The following HIVEP3 variants were observed in gnomAD, a reference collection of about 807,000 sequenced individuals.
HIVEP3 encodes transcription factor HIVEP3.
Under a neutral mutation model 152.8 loss-of-function variants are expected in HIVEP3, and 49 were observed. The observed-to-expected ratio is 0.32, with a 90% CI of 0.26 to 0.41. The LOEUF (loss-of-function observed/expected upper bound fraction) is 0.41, where lower values mean the gene tolerates loss of function less well. Ranked by LOEUF, HIVEP3 falls within the 10% of genes least tolerant of loss-of-function variation. The pLI, the probability that HIVEP3 is intolerant of heterozygous loss-of-function variation, is 1.00. For missense variants in HIVEP3, 2,790 were observed against 3,103.3 expected, an observed-to-expected ratio of 0.90 and a Z score of 2.40; for synonymous variants, 1,269 against 1,289.0, an observed-to-expected ratio of 0.98 and a Z score of 0.33.
chr1:41,695,445 C>T (rs185173467), intron 2 of HIVEP3, among the ~76,000 whole-genome samples: 3 of 152,318 alleles, frequency 2.0e-5, no homozygotes, highest in African/African-American at 4.8e-5. Context: ...GGGGCCAATA[C>T]ATTTACTGGA....
intron 1 of HIVEP3, among the ~76,000 whole-genome samples, chr1:41,896,369 T>C (rs1434026336): frequency 3.3e-5 from 5 of 152,154 alleles, no homozygotes; most frequent in African/African-American, 1.2e-4. Flanking sequence ...GGTCCTTCCT[T>C]AACCACTGTG....
rs1221612649 is a variant in HIVEP3, at chr1:41,888,765, A to G, written c.-801+29648T>C. On this transcript the variant is annotated intron_variant, in intron 1 of 8. Transcript: ENST00000372583. ...GCCCCCCACACCACATACCTCACAC[A>G]TGCGCACCCCCACATACCTCATACA... 2.8e-5 allele frequency among the ~76,000 whole-genome samples: 3 copies of G among 108,564 alleles called. No homozygotes were observed. The East Asian group carries it at 9.3e-4, about 34-fold the overall frequency. 71.2% of individuals were successfully genotyped at this position (108,564 alleles called of 152,430 possible).
rs537447096 is a variant in HIVEP3, at chr1:41,523,058, T to G, written c.5383+1677A>C. Among the ~76,000 whole-genome samples, 19 of 152,380 alleles carry G rather than the reference T, an allele frequency of 1.2e-4. No homozygotes were observed. In the South Asian group the frequency reaches 1.9e-3, roughly 15 times the overall value. On this transcript the variant is annotated intron_variant, in intron 6 of 8. Coordinates refer to ENST00000372583, the MANE Select transcript of HIVEP3 (RefSeq NM_024503.5). ...TTAACAGTTATTCTGTTTTCTGGGATCACTTTCTTCACCTTCAAGGGGACT... is the reference window on the plus strand; with the variant it reads ...TTAACAGTTATTCTGTTTTCTGGGAGCACTTTCTTCACCTTCAAGGGGACT...
chr1:41,524,601 G>A, intron 6 of HIVEP3, 134 bp downstream of exon 6: 1 of 820,316 alleles, frequency 1.2e-6, no homozygotes, highest in African/African-American at 1.7e-5. Context: ...CACCAAGCTG[G>A]GTGGGAACCC....
At chr1:41,760,889 G>A (rs952883483) in intron 1 of HIVEP3, among the ~76,000 whole-genome samples, 5 of 152,126 alleles carry the variant, frequency 3.3e-5, no homozygotes, top group African/African-American at 1.2e-4. Context: ...GGGTAGGCAT[G>A]GACTCTCCTC....
At position 41,510,212 on chromosome 1, in the gene HIVEP3, GGTT is replaced by G. The variant is rs1191371129; in HGVS notation, c.*236_*238del. 2.1e-5 allele frequency: 8 copies of G among 374,750 alleles called. No homozygotes were observed. The highest frequency in any genetic ancestry group is 4.6e-5 in the Admixed American group (1 of 21,752). 23.2% of individuals were successfully genotyped at this position (374,750 alleles called of 1,614,324 possible). On this transcript the variant is annotated 3_prime_UTR_variant, in exon 9 of 9. Transcript: ENST00000372583. The stretch of plus-strand genomic sequence containing the variant: ...TATTCACAGCCTCAGACTCCTCGTG[GGTT>G]GTTGTTTTTTTTTTAAATGTATGTA...
At chr1:41,595,788 C>G (rs1016973312) in intron 3 of HIVEP3, among the ~76,000 whole-genome samples, 1 of 152,152 alleles carries the variant, frequency 6.6e-6, no homozygotes, top group Admixed American at 6.5e-5. Flanking sequence ...GGCTTAGCCT[C>G]CTGGCCTACA....
intron 1 of HIVEP3, among the ~76,000 whole-genome samples, chr1:41,804,226 C>T (rs1238740981): frequency 6.6e-6 from 1 of 152,202 alleles, no homozygotes; most frequent in Non-Finnish European, 1.5e-5. Flanking sequence ...GTGGGCTTCC[C>T]TCCCCAGTGG....
chr1:41,564,511 T>G (rs1444367757), intron 5 of HIVEP3, among the ~76,000 whole-genome samples: 1 of 152,114 alleles, frequency 6.6e-6, no homozygotes, highest in Non-Finnish European at 1.5e-5. Context: ...AGACGTCATG[T>G]TCTAGGGTTG....
intron 1 of HIVEP3, among the ~76,000 whole-genome samples, chr1:42,008,464 C>T (rs1338893083): frequency 6.6e-6 from 1 of 152,220 alleles, no homozygotes; most frequent in African/African-American, 2.4e-5. Flanking sequence ...TTTGAAGACA[C>T]TGTGGCTTCT....
At chr1:41,992,587 A>G (rs1287330540) in intron 1 of HIVEP3, among the ~76,000 whole-genome samples, 1 of 148,116 alleles carries the variant, frequency 6.8e-6, no homozygotes, top group African/African-American at 2.5e-5. Flanking sequence ...GGTAATTTAC[A>G]GATTCAATGC....
intron 1 of HIVEP3, among the ~76,000 whole-genome samples, chr1:41,889,195 A>G (rs1050266290): frequency 2.0e-5 from 3 of 151,328 alleles, no homozygotes; most frequent in Non-Finnish European, 4.4e-5. Flanking sequence ...TATCTCACAC[A>G]CACACACACC....
chr1:42,030,351 G>T (rs1488544332), intron 1 of HIVEP3, among the ~76,000 whole-genome samples: 3 of 152,194 alleles, frequency 2.0e-5, no homozygotes, highest in African/African-American at 2.4e-5. Flanking sequence ...GAAGCCAAAA[G>T]ATTGGATAAC....
Position 41,589,266 on chromosome 1 carries a change from C to A in HIVEP3, c.-521-3948G>T, listed in dbSNP as rs577146318. Among the ~76,000 whole-genome samples the A allele has an allele frequency of 9.2e-5, 14 of 152,290 alleles. No homozygotes were observed. In the East Asian group the frequency reaches 2.7e-3, roughly 29 times the overall value. ...CCTCTACTGATGGTCACAGAATGGG[C>A]CATGAGGCCAGTGAGAGCTCTCGCT... On this transcript the variant is annotated intron_variant, in intron 3 of 8. Transcript: ENST00000372583.
At chr1:41,547,767 C>G (rs753126606) in intron 5 of HIVEP3, among the ~76,000 whole-genome samples, 1 of 152,220 alleles carries the variant, frequency 6.6e-6, no homozygotes, top group Admixed American at 6.5e-5. Context: ...TTGCCACTCT[C>G]CCCTCACAAA....
intron 1 of HIVEP3, among the ~76,000 whole-genome samples, chr1:41,701,549 C>T (rs1434066740): frequency 6.6e-6 from 1 of 152,152 alleles, no homozygotes; most frequent in African/African-American, 2.4e-5. Flanking sequence ...ACCTCTGTGC[C>T]AGGTGCTGGG....
intron 5 of HIVEP3, among the ~76,000 whole-genome samples, chr1:41,568,237 T>G (rs1477305216): frequency 6.6e-6 from 1 of 151,676 alleles, no homozygotes; most frequent in East Asian, 1.9e-4. Context: ...TGCCATGGAG[T>G]GTGCAAATTC....
intron 1 of HIVEP3, among the ~76,000 whole-genome samples, chr1:41,737,892 G>A (rs1051840303): frequency 2.0e-5 from 3 of 152,228 alleles, no homozygotes; most frequent in African/African-American, 7.2e-5. Flanking sequence ...TACAGCAGGT[G>A]TCACTTAACC....
chr1:41,557,549 G>T (rs1249391172), intron 5 of HIVEP3, among the ~76,000 whole-genome samples: 1 of 152,184 alleles, frequency 6.6e-6, no homozygotes, highest in Non-Finnish European at 1.5e-5. Context: ...TGAAGGCGCA[G>T]GCTCTGGAAG....
Sources: allele counts gnomAD v4.1 joint callset (sites outside exome capture counted in the v4.1 genomes callset), GRCh38; gene constraint gnomAD v4.1.1; transcripts MANE v1.5; gene names NCBI Gene and HGNC (gene_info 2026-07-23, HGNC 2026-07-21).